PTK2: variants seen among roughly 807,000 people sequenced by gnomAD.
The protein encoded by PTK2 is focal adhesion kinase 1.
A neutral mutation model predicts 150.1 loss-of-function variants in PTK2; 45 were observed. The ratio of observed to expected loss-of-function variants is 0.30; its 90% CI spans 0.24 to 0.38. The LOEUF is 0.38. Among genes scored for constraint, PTK2 ranks in the 10% least tolerant of loss-of-function variants. The pLI is 1.00. For missense variants in PTK2, 919 were observed against 1,307.3 expected (o/e 0.70, Z 4.58); for synonymous variants, 432 against 449.2 (o/e 0.96, Z 0.48).
rs71310814 is a variant in PTK2, at chr8:140,988,728, CAAAAAAAAAAAA to C, written c.-122+12385_-122+12396del. On this transcript the variant is annotated intron_variant, in intron 1 of 31. Transcript: ENST00000522684. Reference sequence around the variant, plus strand: ...TGGGTTGCAGAGCAAGACTCCATCCCAAAAAAAAAAAAAAAAAAAAAAAGACACACACGTATA... The same window carrying C: ...TGGGTTGCAGAGCAAGACTCCATCCCAAAAAAAAAAAGACACACACGTATA... Among the ~76,000 whole-genome samples the C allele has an allele frequency of 4.6e-4, 32 of 69,972 alleles. No homozygotes were observed. The South Asian group carries it at 0.012, about 25-fold the overall frequency. The allele number at this position is 69,972 out of a possible 152,430, so 45.9% of individuals were successfully genotyped here. A position where few individuals can be genotyped will look rare whatever the true frequency, so the allele number is the denominator to read the frequency against.
chr8:140,695,182 C>A (rs1482007275), intron 26 of PTK2, among the ~76,000 whole-genome samples: 1 of 152,286 alleles, frequency 6.6e-6, no homozygotes, highest in Non-Finnish European at 1.5e-5. Context: ...TTTGGTGACA[C>A]CAATGCTATG....
At chr8:140,659,223 A>G in exon 32 of PTK2, 1 of 520,870 alleles carries the variant, frequency 1.9e-6, no homozygotes, top group Non-Finnish European at 3.4e-6. Flanking sequence ...TCTTAGAAAA[A>G]CGCCACATTT....
At chr8:140,659,449 G>A (rs748879063) in exon 32 of PTK2, 64 of 1,597,624 alleles carry the variant, frequency 4.0e-5, no homozygotes, top group East Asian at 2.0e-4. Flanking sequence ...GTAGCAAGAC[G>A]TGCTCCTAGG....
chr8:140,943,062 T>A (rs908404907), intron 1 of PTK2, among the ~76,000 whole-genome samples: 2 of 152,302 alleles, frequency 1.3e-5, no homozygotes, highest in Non-Finnish European at 2.9e-5. Flanking sequence ...GGTGCCATGT[T>A]TCCTGTACAG....
intron 26 of PTK2, among the ~76,000 whole-genome samples, chr8:140,691,920 A>C (rs1042080706): frequency 3.9e-5 from 6 of 152,198 alleles, no homozygotes; most frequent in African/African-American, 1.4e-4. Context: ...CACAGCTCTT[A>C]AACAGTGGAG....
intron 1 of PTK2, chr8:140,934,473 C>G (rs2100172948): frequency 6.6e-6 from 1 of 152,038 alleles, no homozygotes; most frequent in South Asian, 2.1e-4. Context: ...CTCCATTCTC[C>G]TAGCTGCTAA....
At chr8:140,746,573 G>A in intron 18 of PTK2, 187 bp downstream of exon 21, 1 of 477,744 alleles carries the variant, frequency 2.1e-6, no homozygotes, top group Non-Finnish European at 3.7e-6. Context: ...ACTGCATAAG[G>A]GGATGCTTTG....
At chr8:141,000,650 G>A (rs2100199808) in intron 1 of PTK2, among the ~76,000 whole-genome samples, 1 of 137,636 alleles carries the variant, frequency 7.3e-6, no homozygotes, top group Non-Finnish European at 1.6e-5. Flanking sequence ...GCCTCTCCGC[G>A]CGCCCGGCCT....
chr8:140,791,094 C>T (rs1239510882), intron 13 of PTK2, among the ~76,000 whole-genome samples: 1 of 152,180 alleles, frequency 6.6e-6, no homozygotes, highest in African/African-American at 2.4e-5. Context: ...ATTTAGTTTC[C>T]TTTATCTGTT....
At chr8:140,825,504 C>T (rs962093771) in intron 8 of PTK2, among the ~76,000 whole-genome samples, 1 of 152,178 alleles carries the variant, frequency 6.6e-6, no homozygotes, top group African/African-American at 2.4e-5. Flanking sequence ...GATCTCTTAA[C>T]ATTTCTAGTT....
intron 1 of PTK2, among the ~76,000 whole-genome samples, chr8:140,933,968 A>G (rs2100172800): frequency 6.6e-6 from 1 of 151,590 alleles, no homozygotes; most frequent in South Asian, 2.1e-4. Flanking sequence ...GCCGATAAAT[A>G]TAAAATAAAT....
At chr8:140,856,878 T>C (rs1225497188) in intron 5 of PTK2, among the ~76,000 whole-genome samples, 7 of 152,220 alleles carry the variant, frequency 4.6e-5, no homozygotes, top group Non-Finnish European at 1.0e-4. Flanking sequence ...TATGAAAATT[T>C]AAGATGGATT....
At chr8:140,826,558 A>G (rs1471325549) in intron 8 of PTK2, among the ~76,000 whole-genome samples, 2 of 152,224 alleles carry the variant, frequency 1.3e-5, no homozygotes, top group Non-Finnish European at 2.9e-5. Context: ...AACAGTAGCT[A>G]AAAATTAATT....
At chr8:140,706,242 T>C in intron 23 of PTK2, 37 bp from the exon 27 acceptor site, 1 of 1,499,362 alleles carries the variant, frequency 6.7e-7, no homozygotes. Context: ...AATGAACCTT[T>C]TGATTTTGAC....
At chr8:140,938,962 G>A (rs1245954844) in intron 1 of PTK2, among the ~76,000 whole-genome samples, 1 of 151,160 alleles carries the variant, frequency 6.6e-6, no homozygotes, top group Non-Finnish European at 1.5e-5. Context: ...GGGCAATACA[G>A]TAAGACCCCA....
chr8:140,741,379 T>C (rs1334807251), intron 20 of PTK2, among the ~76,000 whole-genome samples: 2 of 150,248 alleles, frequency 1.3e-5, no homozygotes, highest in African/African-American at 4.9e-5. Context: ...GGCGTGAACT[T>C]GGGAGGTGGA....
chr8:140,806,318 C>A (rs1475390467), intron 10 of PTK2, among the ~76,000 whole-genome samples: 1 of 152,110 alleles, frequency 6.6e-6, no homozygotes, highest in Admixed American at 6.5e-5. Flanking sequence ...CCACCAAGGG[C>A]AAGACTTGCT....
chr8:140,842,590 T>C (rs947117221), intron 7 of PTK2, among the ~76,000 whole-genome samples: 8 of 152,046 alleles, frequency 5.3e-5, no homozygotes, highest in African/African-American at 1.4e-4. Context: ...ATTTGGCAAA[T>C]AGAATAGTCA....
chr8:140,905,612 TCAA>T lies in PTK2; in HGVS notation c.-32-14846_-32-14844del, dbSNP rs1405785047. 2.6e-5 allele frequency among the ~76,000 whole-genome samples: 4 copies of T among 152,126 alleles called. No homozygotes were observed. In the East Asian group the frequency reaches 7.7e-4, roughly 29 times the overall value. On this transcript the variant is annotated intron_variant, in intron 2 of 31. Transcript: ENST00000522684. Reference sequence around the variant, plus strand: ...CACCCCACTGTCAATATTAGACAGATCAACAAGACAGAAGATAAACACGGATAT... The same window carrying T: ...CACCCCACTGTCAATATTAGACAGATCAAGACAGAAGATAAACACGGATAT...
Sources: gnomAD v4.1 joint callset for allele counts (sites outside exome capture counted in the v4.1 genomes callset) on GRCh38, gnomAD v4.1.1 for gene constraint, MANE v1.5 for transcripts, NCBI Gene and HGNC (gene_info 2026-07-23, HGNC 2026-07-21) for gene names.